STRBP: variants seen among roughly 807,000 people sequenced by gnomAD.
STRBP encodes the protein spermatid perinuclear RNA-binding protein.
STRBP carries 13 observed loss-of-function variants against 80.1 expected under a neutral mutation model. The observed-to-expected ratio is 0.16, with a 90% CI of 0.11 to 0.26. The LOEUF is 0.26. Among genes scored for constraint, STRBP ranks in the 10% least tolerant of loss-of-function variants. STRBP has a pLI of 1.00. For synonymous variants in STRBP, 284 were observed against 291.2 expected (o/e 0.98, Z 0.25); for missense variants, 485 against 815.2 (o/e 0.59, Z 4.93).
At chr9:123,261,561 T>C (rs1252383572) in intron 1 of STRBP, among the ~76,000 whole-genome samples, 1 of 152,238 alleles carries the variant, frequency 6.6e-6, no homozygotes, top group Non-Finnish European at 1.5e-5. Flanking sequence ...AAGTCAATGT[T>C]GTATAGTTCT....
chr9:123,150,956 C>T (rs1009161779), intron 11 of STRBP, among the ~76,000 whole-genome samples: 1 of 152,200 alleles, frequency 6.6e-6, no homozygotes. Flanking sequence ...CATTAGTCAC[C>T]TCCCAGAAAC....
chr9:123,193,741 C>A (rs1394502293), intron 2 of STRBP, among the ~76,000 whole-genome samples: 1 of 151,990 alleles, frequency 6.6e-6, no homozygotes, highest in Non-Finnish European at 1.5e-5. Flanking sequence ...CTGTCCTTAT[C>A]CAACCGAAAT....
At chr9:123,213,287 C>T (rs909163183) in intron 2 of STRBP, among the ~76,000 whole-genome samples, 4 of 152,304 alleles carry the variant, frequency 2.6e-5, no homozygotes, top group Non-Finnish European at 4.4e-5. Flanking sequence ...ACAAATTCTC[C>T]AATTCAAGAA....
intron 2 of STRBP, among the ~76,000 whole-genome samples, chr9:123,186,845 G>T (rs1588066781): frequency 7.0e-6 from 1 of 143,120 alleles, no homozygotes; most frequent in African/African-American, 2.5e-5. Flanking sequence ...AAAAAAAAAG[G>T]TCAACCTAGT....
chr9:123,247,938 TGA>T (rs1210263257), intron 1 of STRBP, among the ~76,000 whole-genome samples: 3 of 152,300 alleles, frequency 2.0e-5, no homozygotes, highest in East Asian at 3.9e-4. Flanking sequence ...ATAGTTGCCA[TGA>T]GTGCCTTCTA....
intron 17 of STRBP, among the ~76,000 whole-genome samples, chr9:123,131,345 G>A (rs896826798): frequency 6.6e-6 from 1 of 152,174 alleles, no homozygotes; most frequent in Non-Finnish European, 1.5e-5. Context: ...CTCCAGGTCT[G>A]GGACTGAGTC....
chr9:123,201,540 C>T, intron 2 of STRBP, among the ~76,000 whole-genome samples: 1 of 152,136 alleles, frequency 6.6e-6, no homozygotes, highest in Admixed American at 6.6e-5. Context: ...TTGACTAGTA[C>T]TTCCAGAACA....
At chr9:123,224,353 C>T (rs189364132) in intron 2 of STRBP, among the ~76,000 whole-genome samples, 34 of 152,304 alleles carry the variant, frequency 2.2e-4, no homozygotes, top group African/African-American at 7.7e-4. Flanking sequence ...AACTCTCTCG[C>T]AGTTCAGGAA....
intron 16 of STRBP, among the ~76,000 whole-genome samples, chr9:123,134,279 A>G (rs964970931): frequency 8.5e-5 from 13 of 152,240 alleles, no homozygotes; most frequent in African/African-American, 3.1e-4. Flanking sequence ...ACTCTATGAT[A>G]AAGTCAACAG....
At chr9:123,174,607 C>T (rs1222582240) in intron 4 of STRBP, among the ~76,000 whole-genome samples, 2 of 152,154 alleles carry the variant, frequency 1.3e-5, no homozygotes, top group East Asian at 1.9e-4. Flanking sequence ...TGACTATTGG[C>T]TAGATGAGCT....
chr9:123,227,034 T>A (rs775975766), intron 2 of STRBP, among the ~76,000 whole-genome samples: 1 of 152,120 alleles, frequency 6.6e-6, no homozygotes, highest in Admixed American at 6.5e-5. Context: ...ATTAATCCAT[T>A]CGTGAGAGTA....
chr9:123,155,195 T>C (rs547761534), intron 11 of STRBP, among the ~76,000 whole-genome samples: 2 of 152,294 alleles, frequency 1.3e-5, no homozygotes, highest in East Asian at 3.9e-4. Context: ...TTAATATTTA[T>C]CTGAGAAAAT....
chr9:123,136,169 C>G lies in STRBP; in HGVS notation c.1645G>C (p.Gly549Arg), dbSNP rs1197735186. The G allele has an allele frequency of 6.2e-7, 1 of 1,614,172 alleles. No individual in the cohort carries two copies. Among genetic ancestry groups the G allele is most frequent in the South Asian group, 1.1e-5 (1 of 91,076 alleles). Residue 549 changes from glycine (G) to arginine (R), a missense_variant, in exon 16 of 19, where the codon GGA (glycine) becomes CGA (arginine). Physicochemically the swap from Gly to Arg is moderately radical, Grantham distance 125. Coordinates refer to ENST00000348403, the MANE Select transcript of STRBP (RefSeq NM_018387.5). The surrounding 1 kb of genome is among the most constrained non-coding windows in gnomAD (Gnocchi z 4.2). ...GGACCTGCGCCTCTGAATTTCTGTCCATCTACTTCTACCTACAATCAAGAA... is the reference window on the plus strand; with the variant it reads ...GGACCTGCGCCTCTGAATTTCTGTCGATCTACTTCTACCTACAATCAAGAA... ...KRFVMEVEVD[G>R]QKFRGAGPNK...
intron 1 of STRBP, among the ~76,000 whole-genome samples, chr9:123,253,409 A>G (rs1406900747): frequency 1.3e-5 from 2 of 152,186 alleles, no homozygotes; most frequent in African/African-American, 4.8e-5. Context: ...TCCCTTACAC[A>G]CTGTACTGCT....
intron 1 of STRBP, among the ~76,000 whole-genome samples, chr9:123,247,245 G>A (rs1047500250): frequency 6.6e-6 from 1 of 152,102 alleles, no homozygotes; most frequent in Non-Finnish European, 1.5e-5. Context: ...AGAAGACAGA[G>A]AGGTGGATTC....
In STRBP at chr9:123,227,553, CTTTTTTT is replaced by C. The variant is rs372469553; in HGVS notation, c.-165+9270_-165+9276del. 6.6e-3 allele frequency among the ~76,000 whole-genome samples: 855 copies of C among 130,306 alleles called. 4 individuals carry two copies. The highest frequency in any genetic ancestry group is 0.012 in the Non-Finnish European group (713 of 60,218). The allele number at this position is 130,306 out of a possible 152,430, so 85.5% of individuals were successfully genotyped here. Reference sequence around the variant, plus strand: ...TGATCTGACATATTTATTGTTTTCTCTTTTTTTTTTTTTCTTTTTTTTTTTTTTTTGA... The same window carrying C: ...TGATCTGACATATTTATTGTTTTCTCTTTTTTCTTTTTTTTTTTTTTTTGA... On this transcript the variant is annotated intron_variant, in intron 2 of 18. Coordinates refer to ENST00000348403, the MANE Select transcript of STRBP (RefSeq NM_018387.5).
intron 3 of STRBP, chr9:123,114,052 T>A (rs1277687732): frequency 1.2e-5 from 2 of 167,078 alleles, no homozygotes; most frequent in East Asian, 3.9e-4. Context: ...GAGGTGAGAT[T>A]TGTGTAGCCT....
intron 3 of STRBP, 109 bp from the exon 4 acceptor site, chr9:123,179,336 G>T: frequency 1.1e-6 from 1 of 902,568 alleles, no homozygotes; most frequent in Non-Finnish European, 1.6e-6. Flanking sequence ...TGTCTACTGT[G>T]AAACAGTTAA....
chr9:123,159,952 T>C (rs1342826026), intron 8 of STRBP, among the ~76,000 whole-genome samples: 2 of 152,196 alleles, frequency 1.3e-5, no homozygotes, highest in Admixed American at 6.5e-5. Flanking sequence ...TACAGAGGTA[T>C]AGGATCCTTA....
Sources: allele counts gnomAD v4.1 joint callset (sites outside exome capture counted in the v4.1 genomes callset), GRCh38; gene constraint gnomAD v4.1.1; non-coding constraint Gnocchi (gnomAD v3.1); transcripts MANE v1.5; gene names NCBI Gene and HGNC (gene_info 2026-07-23, HGNC 2026-07-21).